The following GDF7 variants were observed in gnomAD, a reference collection of about 807,000 sequenced individuals.
GDF7 encodes the protein growth/differentiation factor 7.
In GDF7, 12 loss-of-function variants were observed where a neutral mutation model predicts 13.4. The ratio of observed to expected loss-of-function variants is 0.90; its 90% CI spans 0.57 to 1.45. The LOEUF is 1.45. Among genes scored for constraint, GDF7 ranks in the 40% most tolerant of loss-of-function variants. The pLI is 0.00. For synonymous variants in GDF7, 330 were observed against 306.4 expected (o/e 1.08, Z -0.80); for missense variants, 651 against 652.4 (o/e 1.00, Z 0.02).
In GDF7 at chr2:20,677,872, G is replaced by A. The variant is rs1000848049; in HGVS notation, c.*6447G>A. On this transcript the variant is annotated 3_prime_UTR_variant, in exon 2 of 2. Transcript: ENST00000272224. Reference sequence around the variant, plus strand: ...AAAAGCAGTGACCAGGTGTGTTGAGGGCCTCCCCTTGCCTGCACCTTTTTA... The same window carrying A: ...AAAAGCAGTGACCAGGTGTGTTGAGAGCCTCCCCTTGCCTGCACCTTTTTA... 6.6e-6 allele frequency: 1 copy of A among 152,474 alleles called. No individual in the cohort carries two copies. The highest frequency in any genetic ancestry group is 6.5e-5 in the Admixed American group (1 of 15,294). The allele number at this position is 152,474 out of a possible 1,614,324, so 9.4% of individuals were successfully genotyped here.
rs370953042 is a variant in GDF7, at chr2:20,667,621, G to A, written c.382G>A (p.Ala128Thr). Residue 128 changes from alanine to threonine, a missense_variant, in exon 1 of 2, where the codon GCG becomes ACG. Physicochemically the swap from Ala to Thr is moderately conservative, Grantham distance 58 (BLOSUM62 0). This residue lies in a region of GDF7 where 487 missense variants were observed against 445.9 expected (regional missense o/e 1.09). Coordinates refer to ENST00000272224, the MANE Select transcript of GDF7 (RefSeq NM_182828.4). The surrounding 1 kb of genome is among the most constrained non-coding windows in gnomAD (Gnocchi z 6.4). ...ADTITGFTDQ[A>T]TQDESAAETG... is the part of the protein sequence containing the mutation. ...CACGATCACCGGCTTCACAGACCAG[G>A]CGACCCAAGGTACTTACGCCTCTTC... is the stretch of plus-strand genomic sequence containing the variant. The A allele has an allele frequency of 5.7e-5, 86 of 1,501,138 alleles. No homozygotes were observed. The African/African-American group carries it at 9.8e-4, about 17-fold the overall frequency. The allele number at this position is 1,501,138 out of a possible 1,614,324, so 93.0% of individuals were successfully genotyped here. A position where few individuals can be genotyped will look rare whatever the true frequency, so the allele number is the denominator to read the frequency against.
At position 20,667,777 on chromosome 2, in the gene GDF7, A is replaced by G. The variant is rs1177440115; in HGVS notation, c.391+147A>G. On this transcript the variant is annotated intron_variant, in intron 1 of 1. Coordinates refer to ENST00000272224, the MANE Select transcript of GDF7 (RefSeq NM_182828.4). The surrounding 1 kb of genome is among the most constrained non-coding windows in gnomAD (Gnocchi z 6.4). ...ATAGAAAGAAACTTCGCCGAGGCCAACACTCTCCAGCCCGCTGCACCTGGA... is the reference window on the plus strand; with the variant it reads ...ATAGAAAGAAACTTCGCCGAGGCCAGCACTCTCCAGCCCGCTGCACCTGGA... 3.7e-6 allele frequency: 2 copies of G among 534,558 alleles called. No individual in the cohort carries two copies. The highest frequency in any genetic ancestry group is 3.6e-5 in the East Asian group (1 of 27,676). 33.1% of individuals were successfully genotyped at this position (534,558 alleles called of 1,614,324 possible). A position where few individuals can be genotyped will look rare whatever the true frequency, so the allele number is the denominator to read the frequency against.
Position 20,677,133 on chromosome 2 carries a change from C to T in GDF7, c.*5708C>T, listed in dbSNP as rs911980734. 12 of 152,192 alleles carry T rather than the reference C, an allele frequency of 7.9e-5. No individual in the cohort carries two copies. The highest frequency in any genetic ancestry group is 2.9e-4 in the African/African-American group (12 of 41,450). 9.4% of individuals were successfully genotyped at this position (152,192 alleles called of 1,614,324 possible). A position where few individuals can be genotyped will look rare whatever the true frequency, so the allele number is the denominator to read the frequency against. ...GCTTGGTGTGATGATACAAGAAGTA[C>T]AGTTTCACTCTTTTTTTGTCAGATG... On this transcript the variant is annotated 3_prime_UTR_variant, in exon 2 of 2. Transcript: ENST00000272224.
Position 20,667,171 on chromosome 2 carries a change from CA to C in GDF7, c.-65del. On this transcript the variant is annotated 5_prime_UTR_variant, in exon 1 of 2. Coordinates refer to ENST00000272224, the MANE Select transcript of GDF7 (RefSeq NM_182828.4). This position sits in a 1 kb window ranked among gnomAD's most constrained non-coding sequence, Gnocchi z 6.4. ...TTCCCCCATTATTAAACACTATGTT[CA>C]AAAGGCGCCGGGGGACTTCCCGGAG... 7.5e-6 allele frequency: 8 copies of C among 1,072,480 alleles called. No homozygotes were observed. Among genetic ancestry groups the C allele is most frequent in the East Asian group, 5.8e-5 (1 of 17,228 alleles). 66.4% of individuals were successfully genotyped at this position (1,072,480 alleles called of 1,614,324 possible). A position where few individuals can be genotyped will look rare whatever the true frequency, so the allele number is the denominator to read the frequency against.
chr2:20,671,033 AGGACGGCGTTGGCCGGGACGC>A lies in GDF7; in HGVS notation c.966_986del (p.Leu324_Ala330del), dbSNP rs1233789453. 1 of 1,524,300 alleles carries A rather than the reference AGGACGGCGTTGGCCGGGACGC, an allele frequency of 6.6e-7. No individual in the cohort carries two copies. The highest frequency in any genetic ancestry group is 8.8e-7 in the Non-Finnish European group (1 of 1,137,274). 94.4% of individuals were successfully genotyped at this position (1,524,300 alleles called of 1,614,324 possible). On this transcript the variant is annotated inframe_deletion, in exon 2 of 2. Coordinates refer to ENST00000272224, the MANE Select transcript of GDF7 (RefSeq NM_182828.4). ...AGTCATTGGCGGCCGCAGACGGAGG[AGGACGGCGTTGGCCGGGACGC>A]GGACAGCGCAGGGCAGCGGCGGGGG...
At position 20,667,226 on chromosome 2, in the gene GDF7, G is replaced by A; in HGVS notation, c.-14G>A. 3 of 866,098 alleles carry A rather than the reference G, an allele frequency of 3.5e-6. No homozygotes were observed. Among genetic ancestry groups the A allele is most frequent in the South Asian group, 4.2e-5 (1 of 23,788 alleles). The allele number at this position is 866,098 out of a possible 1,614,324, so 53.7% of individuals were successfully genotyped here. A position where few individuals can be genotyped will look rare whatever the true frequency, so the allele number is the denominator to read the frequency against. On this transcript the variant is annotated 5_prime_UTR_variant, in exon 1 of 2. Coordinates refer to ENST00000272224, the MANE Select transcript of GDF7 (RefSeq NM_182828.4). This position sits in a 1 kb window ranked among gnomAD's most constrained non-coding sequence, Gnocchi z 6.4. Reference sequence around the variant, plus strand: ...CGGAGCCCGCGCCGCCCGCCCGCCCGGCCCACGGAGCCCATGGACCTGAGC... The same window carrying A: ...CGGAGCCCGCGCCGCCCGCCCGCCCAGCCCACGGAGCCCATGGACCTGAGC...
rs974975582 is a variant in GDF7 at position 20,671,102 on chromosome 2, A to G, written c.1030A>G (p.Arg344Gly). The G allele has an allele frequency of 1.3e-6, 2 of 1,569,750 alleles. No individual in the cohort carries two copies. Among genetic ancestry groups the G allele is most frequent in the Non-Finnish European group, 1.7e-6 (2 of 1,160,654 alleles). Residue 344 changes from arginine to glycine, a missense_variant, in exon 2 of 2, where the codon AGG becomes GGG. Physicochemically the swap from Arg to Gly is moderately radical, Grantham distance 125. Coordinates refer to ENST00000272224, the MANE Select transcript of GDF7 (RefSeq NM_182828.4). ...GGGAGRGHGR[R>G]GRSRCSRKPL... is the part of the protein sequence containing the mutation. Reference sequence around the variant, plus strand: ...GGGCGCGGGCCGGGGCCACGGGCGCAGGGGCCGGAGCCGCTGCAGCCGCAA... The same window carrying G: ...GGGCGCGGGCCGGGGCCACGGGCGCGGGGGCCGGAGCCGCTGCAGCCGCAA...
Position 20,671,694 on chromosome 2 carries a change from C to T in GDF7, c.*269C>T. On this transcript the variant is annotated 3_prime_UTR_variant, in exon 2 of 2. Coordinates refer to ENST00000272224, the MANE Select transcript of GDF7 (RefSeq NM_182828.4). ...TTTGCAAACAGATAACCATGGCGCC[C>T]ACTGCCCCCATTTAGGGAGAGGAAG... 2 of 466,142 alleles carry T rather than the reference C, an allele frequency of 4.3e-6. No individual in the cohort carries two copies. The highest frequency in any genetic ancestry group is 3.9e-6 in the Non-Finnish European group (1 of 256,526). The allele number at this position is 466,142 out of a possible 1,614,324, so 28.9% of individuals were successfully genotyped here.
In GDF7 at chr2:20,671,438, G is replaced by A. The variant is rs1214350767; in HGVS notation, c.*13G>A. The A allele has an allele frequency of 6.2e-7, 1 of 1,606,364 alleles. No individual in the cohort carries two copies. The highest frequency in any genetic ancestry group is 8.5e-7 in the Non-Finnish European group (1 of 1,176,396). On this transcript the variant is annotated 3_prime_UTR_variant, in exon 2 of 2. Coordinates refer to ENST00000272224, the MANE Select transcript of GDF7 (RefSeq NM_182828.4). ...CGGCTGCAGGTAGCGCGAGGGCCGGGGAGGGGGCAGCCACGCGGCCGAGGA... is the reference window on the plus strand; with the variant it reads ...CGGCTGCAGGTAGCGCGAGGGCCGGAGAGGGGGCAGCCACGCGGCCGAGGA...
At chr2:20,670,426 C>A in intron 1 of GDF7, 38 bp from the exon 2 acceptor site, 1 of 1,485,542 alleles carries the variant, frequency 6.7e-7, no homozygotes, top group South Asian at 1.4e-5. Flanking sequence ...TTTGCTCTTA[C>A]ACAGCTCTTT....
Position 20,670,675 on chromosome 2 carries a change from G to C in GDF7, c.603G>C (p.Glu201Asp). The change falls in exon 2 of 2, where the codon GAG (glutamate) becomes GAC (aspartate). Residue 201 changes from glutamate to aspartate, a missense_variant. By Grantham distance (45) the Glu-to-Asp change is conservative. Transcript: ENST00000272224. Reference protein sequence around the residue: ...APRLLYSRAAEPLVGQRWEAF... With the variant: ...APRLLYSRAADPLVGQRWEAF... ...GCCTGCTGTACTCGCGGGCAGCTGA[G>C]CCCCTAGTCGGTCAGCGCTGGGAGG... The C allele has an allele frequency of 6.6e-7, 1 of 1,519,444 alleles. No homozygotes were observed. The highest frequency in any genetic ancestry group is 1.2e-5 in the South Asian group (1 of 80,522). 94.1% of individuals were successfully genotyped at this position (1,519,444 alleles called of 1,614,324 possible).
At position 20,674,541 on chromosome 2, in the gene GDF7, A is replaced by C. The variant is rs1334102139; in HGVS notation, c.*3116A>C. 3 of 152,414 alleles carry C rather than the reference A, an allele frequency of 2.0e-5. No homozygotes were observed. In the East Asian group the frequency reaches 5.8e-4, roughly 29 times the overall value. 9.4% of individuals were successfully genotyped at this position (152,414 alleles called of 1,614,324 possible). On this transcript the variant is annotated 3_prime_UTR_variant, in exon 2 of 2. Coordinates refer to ENST00000272224, the MANE Select transcript of GDF7 (RefSeq NM_182828.4). ...GCTTGAAACCAGGGCTTTCGTATTA[A>C]GGAGGATCACCCACACTGGCAGGCG...
In GDF7 at chr2:20,677,559, C is replaced by A. The variant is rs1235419612; in HGVS notation, c.*6134C>A. On this transcript the variant is annotated 3_prime_UTR_variant, in exon 2 of 2. Transcript: ENST00000272224. ...TAGCTCCTGCCCAGACCTTTGGCTGCCAGAATCTAGAACCATGGCTGACCA... is the reference window on the plus strand; with the variant it reads ...TAGCTCCTGCCCAGACCTTTGGCTGACAGAATCTAGAACCATGGCTGACCA... 1 of 152,238 alleles carries A rather than the reference C, an allele frequency of 6.6e-6. No individual in the cohort carries two copies. The highest frequency in any genetic ancestry group is 2.4e-5 in the African/African-American group (1 of 41,456). The allele number at this position is 152,238 out of a possible 1,614,324, so 9.4% of individuals were successfully genotyped here.
At chr2:20,670,397 G>T in intron 1 of GDF7, 67 bp from the exon 2 acceptor site, 1 of 1,426,346 alleles carries the variant, frequency 7.0e-7, no homozygotes, top group Non-Finnish European at 9.2e-7. Flanking sequence ...AGGAGGCCCC[G>T]CGCTGACAGT....
chr2:20,678,180 C>G lies in GDF7; in HGVS notation c.*6755C>G, dbSNP rs575509699. 2.6e-5 allele frequency: 4 copies of G among 152,334 alleles called. No homozygotes were observed. The South Asian group carries it at 8.3e-4, about 32-fold the overall frequency. 9.4% of individuals were successfully genotyped at this position (152,334 alleles called of 1,614,324 possible). On this transcript the variant is annotated 3_prime_UTR_variant, in exon 2 of 2. Coordinates refer to ENST00000272224, the MANE Select transcript of GDF7 (RefSeq NM_182828.4). Reference sequence around the variant, plus strand: ...GGGGAAATACTCAAGTGTTCTAAGCCAGGAACAGAGACTCTCAAGAGAGGA... The same window carrying G: ...GGGGAAATACTCAAGTGTTCTAAGCGAGGAACAGAGACTCTCAAGAGAGGA...
chr2:20,669,698 A>T (rs1243755756), intron 1 of GDF7, among the ~76,000 whole-genome samples: 1 of 152,134 alleles, frequency 6.6e-6, no homozygotes, highest in African/African-American at 2.4e-5. Flanking sequence ...GAGGAGGTGC[A>T]TTTGGGGTTG....
At position 20,671,108 on chromosome 2, in the gene GDF7, C is replaced by G. The variant is rs528385339; in HGVS notation, c.1036C>G (p.Arg346Gly). The stretch of plus-strand genomic sequence containing the variant: ...GGGCCGGGGCCACGGGCGCAGGGGC[C>G]GGAGCCGCTGCAGCCGCAAGCCGTT... ...GAGRGHGRRG[R>G]SRCSRKPLHV... is the part of the protein sequence containing the mutation. Residue 346 changes from arginine (R) to glycine (G), a missense_variant, in exon 2 of 2, where the codon CGG (arginine) becomes GGG (glycine). By Grantham distance (125) the Arg-to-Gly change is moderately radical. This residue lies in a region of GDF7 where 487 missense variants were observed against 445.9 expected (regional missense o/e 1.09). Transcript: ENST00000272224. 4 of 1,595,742 alleles carry G rather than the reference C, an allele frequency of 2.5e-6. No homozygotes were observed. The highest frequency in any genetic ancestry group is 1.1e-5 in the South Asian group (1 of 88,760).
In GDF7 at chr2:20,673,022, C is replaced by T. The variant is rs1163690993; in HGVS notation, c.*1597C>T. 1 of 152,098 alleles carries T rather than the reference C, an allele frequency of 6.6e-6. No homozygotes were observed. The highest frequency in any genetic ancestry group is 1.5e-5 in the Non-Finnish European group (1 of 68,014). The allele number at this position is 152,098 out of a possible 1,614,324, so 9.4% of individuals were successfully genotyped here. A position where few individuals can be genotyped will look rare whatever the true frequency, so the allele number is the denominator to read the frequency against. On this transcript the variant is annotated 3_prime_UTR_variant, in exon 2 of 2. Coordinates refer to ENST00000272224, the MANE Select transcript of GDF7 (RefSeq NM_182828.4). ...GTGTGATGTTGTGTAGGACTTTCCC[C>T]TTCAGAGTCCTGGGGAGCATTATTT... is the stretch of plus-strand genomic sequence containing the variant.
Position 20,671,317 on chromosome 2 carries a change from T to C in GDF7, c.1245T>C (p.Cys415=), listed in dbSNP as rs1203248174. The C allele has an allele frequency of 6.2e-7, 1 of 1,613,526 alleles. No individual in the cohort carries two copies. The highest frequency in any genetic ancestry group is 2.2e-5 in the East Asian group (1 of 44,870). The change falls in exon 2 of 2, where the codon TGT becomes TGC. Residue 415 remains cysteine (C), a synonymous_variant. Transcript: ENST00000272224. ...MAPDAAPASC[C]VPARLSPISI... ...CAGACGCGGCGCCGGCCTCCTGCTGTGTGCCAGCGCGCCTCAGCCCCATCA... is the reference window on the plus strand; with the variant it reads ...CAGACGCGGCGCCGGCCTCCTGCTGCGTGCCAGCGCGCCTCAGCCCCATCA...
Sources: allele counts gnomAD v4.1 joint callset (sites outside exome capture counted in the v4.1 genomes callset), GRCh38; gene constraint gnomAD v4.1.1; regional missense constraint gnomAD v4.1.1; non-coding constraint Gnocchi (gnomAD v3.1); transcripts MANE v1.5; gene names NCBI Gene and HGNC (gene_info 2026-07-23, HGNC 2026-07-21).